LRRC4C: variants seen among roughly 807,000 people sequenced by gnomAD.
LRRC4C encodes leucine-rich repeat-containing protein 4C.
In LRRC4C, 5 loss-of-function variants were observed where a neutral mutation model predicts 33.6. The ratio of observed to expected loss-of-function variants is 0.15; its 90% CI spans 0.08 to 0.31. The LOEUF is 0.31. Ranked by LOEUF, LRRC4C falls within the 10% of genes least tolerant of loss-of-function variation. The probability of loss-of-function intolerance (pLI) is 1.00; values close to 1 mark genes in which losing one functional copy is unlikely to be tolerated. For synonymous variants in LRRC4C, 329 were observed against 302.0 expected, an observed-to-expected ratio of 1.09 and a Z score of -0.93; for missense variants, 560 against 796.7, an observed-to-expected ratio of 0.70 and a Z score of 3.58.
At chr11:40,399,524 G>A (rs1422044853) in intron 3 of LRRC4C, among the ~76,000 whole-genome samples, 1 of 151,814 alleles carries the variant, frequency 6.6e-6, no homozygotes, top group Non-Finnish European at 1.5e-5. Flanking sequence ...CACACTCCGG[G>A]GACTGTTGTG....
chr11:40,775,492 T>G (rs537261468), intron 2 of LRRC4C, among the ~76,000 whole-genome samples: 11 of 152,306 alleles, frequency 7.2e-5, no homozygotes, highest in African/African-American at 2.6e-4. Flanking sequence ...TCCTTGCATG[T>G]GAAAGTTAGA....
At chr11:41,455,268 T>C (rs1956140998) in intron 1 of LRRC4C, among the ~76,000 whole-genome samples, 2 of 152,084 alleles carry the variant, frequency 1.3e-5, no homozygotes, top group South Asian at 4.1e-4. Flanking sequence ...ACTGGAGTTA[T>C]TTGGTGAGTG....
chr11:41,413,721 C>T (rs1325623139), intron 1 of LRRC4C, among the ~76,000 whole-genome samples: 1 of 152,132 alleles, frequency 6.6e-6, no homozygotes, highest in Non-Finnish European at 1.5e-5. Context: ...AAAAGTAAGG[C>T]ACAATTGCCC....
intron 1 of LRRC4C, among the ~76,000 whole-genome samples, chr11:41,181,408 C>T (rs1049564249): frequency 5.3e-5 from 8 of 152,130 alleles, no homozygotes; most frequent in Non-Finnish European, 1.0e-4. Flanking sequence ...TCTCAATGTT[C>T]CTGTTTCCCT....
chr11:40,385,930 C>T (rs887923768), intron 3 of LRRC4C, among the ~76,000 whole-genome samples: 2 of 148,854 alleles, frequency 1.3e-5, no homozygotes, highest in Admixed American at 6.7e-5. Flanking sequence ...AGAAAAGCTA[C>T]TTATCGAGTC....
chr11:40,365,352 T>C (rs1448720226), intron 3 of LRRC4C, among the ~76,000 whole-genome samples: 1 of 152,112 alleles, frequency 6.6e-6, no homozygotes, highest in Non-Finnish European at 1.5e-5. Flanking sequence ...GTCAGGGGCC[T>C]GAATACTTTT....
In LRRC4C at chr11:40,382,361, A is replaced by T. The variant is rs570811233; in HGVS notation, c.-269-62640T>A. Among the ~76,000 whole-genome samples the T allele has an allele frequency of 7.9e-5, 12 of 151,628 alleles. No homozygotes were observed. In the East Asian group the frequency reaches 2.1e-3, roughly 27 times the overall value. ...GATGGCCTTTTCCTTTTTTTAAAAA[A>T]GTCACTTTATTGAGGTATAACTGAC... On this transcript the variant is annotated intron_variant, in intron 3 of 6. Transcript: ENST00000528697.
At chr11:40,724,886 C>G (rs1478042036) in intron 2 of LRRC4C, among the ~76,000 whole-genome samples, 1 of 152,064 alleles carries the variant, frequency 6.6e-6, no homozygotes, top group Non-Finnish European at 1.5e-5. Context: ...CAAATAAGCA[C>G]AATCTGAAAT....
chr11:40,335,691 A>G (rs1946565405), intron 3 of LRRC4C, among the ~76,000 whole-genome samples: 2 of 152,228 alleles, frequency 1.3e-5, no homozygotes, highest in African/African-American at 4.8e-5. Flanking sequence ...ATCATGGAAG[A>G]CTTCACTTTT....
intron 1 of LRRC4C, among the ~76,000 whole-genome samples, chr11:41,360,978 A>G (rs991772721): frequency 2.6e-5 from 4 of 152,224 alleles, no homozygotes; most frequent in African/African-American, 9.6e-5. Context: ...AGTTGATACT[A>G]CAATCAATCA....
At chr11:41,117,448 T>C (rs747541947) in intron 1 of LRRC4C, among the ~76,000 whole-genome samples, 2 of 152,182 alleles carry the variant, frequency 1.3e-5, no homozygotes, top group Non-Finnish European at 2.9e-5. Context: ...GAAAATAGCT[T>C]AATACAAATG....
Position 41,019,266 on chromosome 11 carries a change from T to C in LRRC4C, c.-495-85543A>G, listed in dbSNP as rs111502112. Among the ~76,000 whole-genome samples the C allele has an allele frequency of 9.7e-4, 147 of 152,160 alleles. 4 individuals are homozygous for C. The highest frequency in any genetic ancestry group is 3.7e-3 in the South Asian group (18 of 4,814). ...ACTCTCACTTATGAGTGAGAACATG[T>C]GGTGTTTGGTTTTCTGTTCCTGTGT... On this transcript the variant is annotated intron_variant, in intron 1 of 6. Coordinates refer to ENST00000528697, the MANE Select transcript of LRRC4C (RefSeq NM_001258419.2).
intron 1 of LRRC4C, among the ~76,000 whole-genome samples, chr11:41,189,714 A>G (rs746745740): frequency 3.3e-5 from 5 of 152,230 alleles, no homozygotes; most frequent in Non-Finnish European, 7.3e-5. Flanking sequence ...TGAAATTAGA[A>G]TTAGTGATAT....
In LRRC4C at chr11:41,215,073, T is replaced by A. The variant is rs1356567716; in HGVS notation, c.-496+244358A>T. 2.0e-5 allele frequency among the ~76,000 whole-genome samples: 3 copies of A among 149,428 alleles called. No homozygotes were observed. In the East Asian group the frequency reaches 5.8e-4, roughly 29 times the overall value. On this transcript the variant is annotated intron_variant, in intron 1 of 6. Coordinates refer to ENST00000528697, the MANE Select transcript of LRRC4C (RefSeq NM_001258419.2). Reference sequence around the variant, plus strand: ...GTATAACAGGTTTACTGAGATATAATTTATATGCAAAAAAATCACACTTTC... The same window carrying A: ...GTATAACAGGTTTACTGAGATATAAATTATATGCAAAAAAATCACACTTTC...
At chr11:41,429,375 A>T (rs1264431192) in intron 1 of LRRC4C, among the ~76,000 whole-genome samples, 2 of 152,168 alleles carry the variant, frequency 1.3e-5, no homozygotes, top group Non-Finnish European at 2.9e-5. Context: ...GATGTCAAAC[A>T]TATCCTTTGG....
At chr11:40,934,595 C>T (rs1171387406) in intron 1 of LRRC4C, among the ~76,000 whole-genome samples, 1 of 151,810 alleles carries the variant, frequency 6.6e-6, no homozygotes, top group African/African-American at 2.4e-5. Flanking sequence ...TTTCACTTGG[C>T]TTCCAGAGCA....
chr11:40,409,080 G>A (rs192424364), intron 3 of LRRC4C, among the ~76,000 whole-genome samples: 3 of 151,990 alleles, frequency 2.0e-5, no homozygotes, highest in East Asian at 3.9e-4. Context: ...ACAGAATAGA[G>A]AGCCCAGAAA....
At chr11:41,178,828 A>G (rs1193319482) in intron 1 of LRRC4C, among the ~76,000 whole-genome samples, 1 of 152,032 alleles carries the variant, frequency 6.6e-6, no homozygotes, top group African/African-American at 2.4e-5. Flanking sequence ...TCAGCCTCCC[A>G]AGTAGCTGGG....
intron 2 of LRRC4C, among the ~76,000 whole-genome samples, chr11:40,860,606 G>A (rs917273101): frequency 6.6e-6 from 1 of 152,006 alleles, no homozygotes; most frequent in Non-Finnish European, 1.5e-5. Context: ...TGTACTACCA[G>A]TGCATCTCTG....
Sources: gnomAD v4.1 joint callset for allele counts (sites outside exome capture counted in the v4.1 genomes callset) on GRCh38, gnomAD v4.1.1 for gene constraint, MANE v1.5 for transcripts, NCBI Gene and HGNC (gene_info 2026-07-23, HGNC 2026-07-21) for gene names.